Variants in RAB3C observed in about 807,000 individuals in gnomAD.
RAB3C encodes RAB3C, member RAS oncogene family.
RAB3C carries 17 observed loss-of-function variants against 26.4 expected under a neutral mutation model. The ratio of observed to expected loss-of-function variants is 0.64; its 90% CI spans 0.44 to 0.97. The LOEUF (loss-of-function observed/expected upper bound fraction) is 0.97. RAB3C is among the 50% of genes least tolerant of loss of function. The probability of loss-of-function intolerance (pLI) is 0.00; values close to 1 mark genes in which losing one functional copy is unlikely to be tolerated. For missense variants in RAB3C, 242 were observed against 281.9 expected (o/e 0.86, Z 1.01); for synonymous variants, 91 against 95.9 (o/e 0.95, Z 0.30).
chr5:58,743,307 G>C (rs1318673025), intron 3 of RAB3C, among the ~76,000 whole-genome samples: 1 of 151,998 alleles, frequency 6.6e-6, no homozygotes, highest in Non-Finnish European at 1.5e-5. Flanking sequence ...CCATATATTA[G>C]AGTCTCCTGG....
chr5:58,770,673 T>C (rs982606245), intron 3 of RAB3C, among the ~76,000 whole-genome samples: 3 of 152,168 alleles, frequency 2.0e-5, no homozygotes, highest in Non-Finnish European at 2.9e-5. Context: ...TGGGATCTCT[T>C]TAAACCTAAA....
intron 2 of RAB3C, among the ~76,000 whole-genome samples, chr5:58,634,465 A>G (rs1387058731): frequency 6.6e-6 from 1 of 152,212 alleles, no homozygotes; most frequent in African/African-American, 2.4e-5. Context: ...TATAATGGGC[A>G]TATTAGAATA....
chr5:58,775,870 A>T (rs1742121177), intron 3 of RAB3C, among the ~76,000 whole-genome samples: 1 of 152,042 alleles, frequency 6.6e-6, no homozygotes, highest in African/African-American at 2.4e-5. Context: ...AGTGTTACTC[A>T]TCATTTCCCC....
chr5:58,746,695 G>T (rs1333209900), intron 3 of RAB3C, among the ~76,000 whole-genome samples: 2 of 152,134 alleles, frequency 1.3e-5, no homozygotes, highest in Non-Finnish European at 2.9e-5. Context: ...GAATTCACAT[G>T]ATTTTTCTAA....
chr5:58,739,265 T>C (rs892130587), intron 3 of RAB3C, among the ~76,000 whole-genome samples: 6 of 152,214 alleles, frequency 3.9e-5, no homozygotes, highest in Admixed American at 3.9e-4. Flanking sequence ...CAGCAAGAAA[T>C]ATGCACTCAA....
At chr5:58,720,547 A>G (rs544761503) in intron 2 of RAB3C, among the ~76,000 whole-genome samples, 23 of 151,938 alleles carry the variant, frequency 1.5e-4, no homozygotes, top group African/African-American at 5.5e-4. Flanking sequence ...TCACTTCTTT[A>G]TGTCCATTTG....
intron 3 of RAB3C, among the ~76,000 whole-genome samples, chr5:58,784,337 T>A (rs1273002482): frequency 6.6e-6 from 1 of 152,178 alleles, no homozygotes; most frequent in Non-Finnish European, 1.5e-5. Flanking sequence ...GGCCTCACAA[T>A]CATGGCGGAA....
intron 1 of RAB3C, chr5:58,617,373 G>T (rs1439622588): frequency 6.3e-6 from 4 of 638,504 alleles, no homozygotes. Context: ...CATCCCCTTT[G>T]GTGTCTTTGA....
chr5:58,752,742 A>G (rs989661298), intron 3 of RAB3C, among the ~76,000 whole-genome samples: 1 of 152,164 alleles, frequency 6.6e-6, no homozygotes, highest in South Asian at 2.1e-4. Context: ...ACTTTGCTCA[A>G]TTTTATTACT....
intron 2 of RAB3C, among the ~76,000 whole-genome samples, chr5:58,677,983 T>TGTGTGA (rs1748262834): frequency 6.6e-6 from 1 of 151,078 alleles, no homozygotes; most frequent in Non-Finnish European, 1.5e-5. Context: ...ATTTTGTGTG[T>TGTGTGA]GTGTGTGTGT....
At chr5:58,729,781 T>A (rs1740969537) in intron 3 of RAB3C, among the ~76,000 whole-genome samples, 3 of 143,066 alleles carry the variant, frequency 2.1e-5, no homozygotes, top group Admixed American at 2.1e-4. Flanking sequence ...ATATACTATA[T>A]GTATATTTAT....
At chr5:58,840,618 T>A (rs1170523024) in intron 4 of RAB3C, among the ~76,000 whole-genome samples, 1 of 152,214 alleles carries the variant, frequency 6.6e-6, no homozygotes, top group Non-Finnish European at 1.5e-5. Context: ...GTAGGTTTCA[T>A]ATGAATGAGT....
At chr5:58,709,175 C>A (rs1387656630) in intron 2 of RAB3C, among the ~76,000 whole-genome samples, 1 of 152,202 alleles carries the variant, frequency 6.6e-6, no homozygotes, top group Non-Finnish European at 1.5e-5. Context: ...TGAATACATT[C>A]TGTAGATGTT....
At chr5:58,773,713 C>A (rs1742070643) in intron 3 of RAB3C, among the ~76,000 whole-genome samples, 1 of 152,078 alleles carries the variant, frequency 6.6e-6, no homozygotes, top group South Asian at 2.1e-4. Flanking sequence ...ATCAAGTGAA[C>A]AGCATCAAGA....
intron 2 of RAB3C, among the ~76,000 whole-genome samples, chr5:58,695,131 C>T (rs947680463): frequency 1.3e-5 from 2 of 151,966 alleles, no homozygotes; most frequent in African/African-American, 4.8e-5. Flanking sequence ...AGGGATCCAG[C>T]TTCAGCTTTC....
intron 3 of RAB3C, among the ~76,000 whole-genome samples, chr5:58,730,121 A>C (rs1352849369): frequency 6.6e-6 from 1 of 151,564 alleles, no homozygotes; most frequent in Non-Finnish European, 1.5e-5. Context: ...GGCACCAATT[A>C]TATTTATCTT....
intron 2 of RAB3C, among the ~76,000 whole-genome samples, chr5:58,681,914 G>A (rs1748351531): frequency 6.6e-6 from 1 of 152,216 alleles, no homozygotes; most frequent in African/African-American, 2.4e-5. Flanking sequence ...GCTGGAAGAA[G>A]GGAAGGAACA....
Position 58,635,190 on chromosome 5 carries a change from T to C in RAB3C, c.252+17320T>C, listed in dbSNP as rs150601707. ...GGAATACCCATCTAGATGTAAAAGTTATCAGCTCTCCTCTGTTTTTCTTGA... is the reference window on the plus strand; with the variant it reads ...GGAATACCCATCTAGATGTAAAAGTCATCAGCTCTCCTCTGTTTTTCTTGA... On this transcript the variant is annotated intron_variant, in intron 2 of 4. Coordinates refer to ENST00000282878, the MANE Select transcript of RAB3C (RefSeq NM_138453.4). Among the ~76,000 whole-genome samples the C allele has an allele frequency of 3.2e-4, 48 of 152,312 alleles. No individual in the cohort carries two copies. In the East Asian group the frequency reaches 8.5e-3, roughly 27 times the overall value.
chr5:58,583,296 G>C lies in RAB3C; in HGVS notation c.24+64G>C, dbSNP rs1313456491. The C allele has an allele frequency of 2.5e-6, 4 of 1,608,566 alleles. No homozygotes were observed. In the Admixed American group the frequency reaches 6.8e-5, roughly 27 times the overall value. On this transcript the variant is annotated intron_variant, in intron 1 of 4. Transcript: ENST00000282878. ...AAAGAGATGCTTTTCCCCTTGCTCC[G>C]CGCACAAGCAGTTCAACGTAAGGAA... is the stretch of plus-strand genomic sequence containing the variant.
Sources: allele counts gnomAD v4.1 joint callset (sites outside exome capture counted in the v4.1 genomes callset), GRCh38; gene constraint gnomAD v4.1.1; transcripts MANE v1.5; gene names NCBI Gene and HGNC (gene_info 2026-07-23, HGNC 2026-07-21).